DLG2: variants seen among roughly 807,000 people sequenced by gnomAD.
The protein encoded by DLG2 is discs large MAGUK scaffold protein 2.
Under a neutral mutation model 132.5 loss-of-function variants are expected in DLG2, and 45 were observed. The observed-to-expected ratio is 0.34, with a 90% CI of 0.27 to 0.44. The LOEUF is 0.44. Among genes scored for constraint, DLG2 ranks in the 20% least tolerant of loss-of-function variants. DLG2 has a pLI of 1.00. For missense variants in DLG2, 1,045 were observed against 1,196.9 expected, an observed-to-expected ratio of 0.87 and a Z score of 1.87; for synonymous variants, 424 against 419.6, an observed-to-expected ratio of 1.01 and a Z score of -0.13.
chr11:85,117,310 C>T (rs2073754318), intron 5 of DLG2, among the ~76,000 whole-genome samples: 1 of 151,992 alleles, frequency 6.6e-6, no homozygotes, highest in Non-Finnish European at 1.5e-5. Context: ...GCGTTAAAAT[C>T]CCAGATCCAC....
chr11:84,836,943 T>C (rs1302328959), intron 6 of DLG2, among the ~76,000 whole-genome samples: 1 of 151,952 alleles, frequency 6.6e-6, no homozygotes, highest in South Asian at 2.1e-4. Flanking sequence ...ATGTGCCATG[T>C]TGGTGTGCTG....
intron 3 of DLG2, among the ~76,000 whole-genome samples, chr11:85,507,040 AT>A (rs1325925420): frequency 1.3e-5 from 2 of 151,722 alleles, no homozygotes; most frequent in African/African-American, 4.8e-5. Flanking sequence ...TAACCCCTGC[AT>A]TTTTTGTTTT....
chr11:84,746,251 G>GAAAAAA (rs369130410), intron 6 of DLG2, among the ~76,000 whole-genome samples: 2 of 90,994 alleles, frequency 2.2e-5, no homozygotes, highest in African/African-American at 4.0e-5. Flanking sequence ...GATATGAAAA[G>GAAAAAA]AAAAAAAAAA....
At chr11:84,370,157 C>T (rs776552088) in intron 7 of DLG2, among the ~76,000 whole-genome samples, 12 of 152,170 alleles carry the variant, frequency 7.9e-5, no homozygotes, top group Non-Finnish European at 1.3e-4. Flanking sequence ...CATATTACAA[C>T]TGTTTGACAT....
At chr11:84,593,975 T>C (rs1317036991) in intron 6 of DLG2, among the ~76,000 whole-genome samples, 2 of 152,200 alleles carry the variant, frequency 1.3e-5, no homozygotes, top group East Asian at 3.9e-4. Flanking sequence ...AACACTACTT[T>C]TCCCATCTAA....
intron 2 of DLG2, among the ~76,000 whole-genome samples, chr11:85,601,144 T>A (rs1175240500): frequency 1.3e-5 from 2 of 152,170 alleles, no homozygotes; most frequent in African/African-American, 4.8e-5. Flanking sequence ...GAGTATTTAT[T>A]ACTTTTTAAT....
intron 6 of DLG2, among the ~76,000 whole-genome samples, chr11:84,701,934 G>A (rs779267494): frequency 1.4e-4 from 21 of 151,346 alleles, no homozygotes; most frequent in Admixed American, 4.6e-4. Context: ...TGTCGAAATC[G>A]TCATCCACAA....
At chr11:85,503,096 T>C (rs1194185319) in intron 3 of DLG2, among the ~76,000 whole-genome samples, 1 of 152,138 alleles carries the variant, frequency 6.6e-6, no homozygotes, top group Non-Finnish European at 1.5e-5. Context: ...TATTATTCAA[T>C]TTATATAACA....
intron 12 of DLG2, among the ~76,000 whole-genome samples, chr11:83,967,636 C>T (rs1291764529): frequency 6.6e-6 from 1 of 152,054 alleles, no homozygotes; most frequent in African/African-American, 2.4e-5. Flanking sequence ...TGGTTATTAA[C>T]CTATCATCAG....
intron 10 of DLG2, among the ~76,000 whole-genome samples, chr11:84,060,280 C>T (rs1015981084): frequency 6.6e-6 from 1 of 152,102 alleles, no homozygotes; most frequent in Admixed American, 6.6e-5. Context: ...CCACTATACT[C>T]CAGCCTGGGA....
intron 3 of DLG2, among the ~76,000 whole-genome samples, chr11:85,534,387 G>T (rs997545706): frequency 6.6e-6 from 1 of 151,878 alleles, no homozygotes; most frequent in Admixed American, 6.6e-5. Flanking sequence ...ATGCAGGTTT[G>T]TCACCCGGGT....
chr11:84,623,426 T>G (rs898863838), intron 6 of DLG2, among the ~76,000 whole-genome samples: 1 of 152,222 alleles, frequency 6.6e-6, no homozygotes, highest in Admixed American at 6.5e-5. Context: ...TCAGTGCTTA[T>G]GTAGCACTTT....
intron 2 of DLG2, among the ~76,000 whole-genome samples, chr11:85,603,988 A>C (rs949387265): frequency 5.9e-5 from 9 of 152,200 alleles, no homozygotes; most frequent in African/African-American, 2.2e-4. Flanking sequence ...AAAATGTATT[A>C]ACAATATTCC....
chr11:83,549,019 T>C (rs2096311476), intron 19 of DLG2, among the ~76,000 whole-genome samples: 1 of 152,152 alleles, frequency 6.6e-6, no homozygotes, highest in Admixed American at 6.6e-5. Context: ...TGCTGTGAAC[T>C]TGTTTGGTCT....
At chr11:84,047,017 A>T (rs2154114869) in intron 11 of DLG2, among the ~76,000 whole-genome samples, 1 of 151,712 alleles carries the variant, frequency 6.6e-6, no homozygotes, top group East Asian at 1.9e-4. Flanking sequence ...GAAGGCGAAA[A>T]ATTTAACGGA....
intron 7 of DLG2, among the ~76,000 whole-genome samples, chr11:84,490,346 AG>A (rs1040695185): frequency 6.6e-6 from 1 of 152,142 alleles, no homozygotes; most frequent in Non-Finnish European, 1.5e-5. Context: ...TAAACCAGAA[AG>A]GTTTTAGCTT....
At chr11:84,730,512 T>C (rs1256433230) in intron 6 of DLG2, among the ~76,000 whole-genome samples, 2 of 152,064 alleles carry the variant, frequency 1.3e-5, no homozygotes, top group East Asian at 1.9e-4. Context: ...AAATCACTAA[T>C]TCTATTTTTA....
chr11:84,069,578 G>C (rs996871839), intron 10 of DLG2, among the ~76,000 whole-genome samples: 13 of 152,230 alleles, frequency 8.5e-5, no homozygotes, highest in African/African-American at 2.9e-4. Flanking sequence ...CTCTAACTCT[G>C]AATGAGAGTA....
chr11:85,609,342 A>G lies in DLG2; in HGVS notation c.-92-10554T>C, dbSNP rs560188854. ...GCCCTGAACAAAATCTGGAGGCATT[A>G]TTAAACCAGGCAACCTCAGTGTTCT... is the stretch of plus-strand genomic sequence containing the variant. On this transcript the variant is annotated intron_variant, in intron 2 of 27. Coordinates refer to ENST00000376104, the MANE Select transcript of DLG2 (RefSeq NM_001142699.3). Among the ~76,000 whole-genome samples the G allele has an allele frequency of 5.9e-4, 90 of 152,312 alleles. 3 individuals are homozygous for G. Among genetic ancestry groups the G allele is most frequent in the African/African-American group, 2.0e-3 (82 of 41,570 alleles).
Sources: gnomAD v4.1 joint callset for allele counts (sites outside exome capture counted in the v4.1 genomes callset) on GRCh38, gnomAD v4.1.1 for gene constraint, MANE v1.5 for transcripts, NCBI Gene and HGNC (gene_info 2026-07-23, HGNC 2026-07-21) for gene names.